The following ASAH1 variants were observed in gnomAD, a reference collection of about 807,000 sequenced individuals.
ASAH1 encodes N-acylsphingosine amidohydrolase 1.
A neutral mutation model predicts 59.5 loss-of-function variants in ASAH1; 70 were observed. The observed-to-expected ratio is 1.18, with a 90% confidence interval of 0.97 to 1.43. The LOEUF (loss-of-function observed/expected upper bound fraction) is 1.43, where lower values mean the gene tolerates loss of function less well. ASAH1 is among the 40% of genes most tolerant of loss of function. ASAH1 has a pLI of 0.00. For missense variants in ASAH1, 660 were observed against 482.5 expected (o/e 1.37, Z -3.45); for synonymous variants, 213 against 166.5 (o/e 1.28, Z -2.15).
chr8:18,081,879 C>G (rs975633727), intron 1 of ASAH1, among the ~76,000 whole-genome samples: 8 of 152,108 alleles, frequency 5.3e-5, no homozygotes, highest in Non-Finnish European at 1.2e-4. Flanking sequence ...TCCTTCAGTG[C>G]ATGGATCCCA....
chr8:18,083,677 C>T (rs956876184), intron 1 of ASAH1, among the ~76,000 whole-genome samples: 16 of 152,354 alleles, frequency 1.1e-4, no homozygotes, highest in African/African-American at 3.8e-4. Flanking sequence ...AATGCAAGGG[C>T]CTGGAACTGG....
intron 2 of ASAH1, among the ~76,000 whole-genome samples, chr8:18,074,655 C>A (rs559462058): frequency 3.9e-5 from 6 of 152,230 alleles, no homozygotes; most frequent in East Asian, 1.9e-4. Context: ...GGTCTGTGAG[C>A]TGTTATTATG....
intron 13 of ASAH1, 59 bp from the exon 14 acceptor site, chr8:18,057,682 ATATT>A: frequency 3.3e-6 from 4 of 1,196,740 alleles, no homozygotes; most frequent in Non-Finnish European, 4.7e-6. Context: ...GTTCTGATAT[ATATT>A]AGCATTTCTA....
intron 10 of ASAH1, chr8:18,059,964 T>C (rs1799624759): frequency 2.6e-6 from 1 of 391,760 alleles, no homozygotes; most frequent in African/African-American, 2.1e-5. Flanking sequence ...TGGTGCGTGA[T>C]GTTCCCCTCC....
At chr8:18,063,059 G>A (rs977189236) in intron 7 of ASAH1, 126 bp downstream of exon 7, 16 of 815,236 alleles carry the variant, frequency 2.0e-5, no homozygotes, top group African/African-American at 1.5e-4. Context: ...TAGTAGAGAC[G>A]GGGTTTCACC....
chr8:18,077,577 A>T (rs940288537), intron 1 of ASAH1, among the ~76,000 whole-genome samples: 9 of 152,242 alleles, frequency 5.9e-5, no homozygotes, highest in Non-Finnish European at 1.3e-4. Context: ...ACAGTCAAGA[A>T]AAATCACTCA....
intron 1 of ASAH1, among the ~76,000 whole-genome samples, chr8:18,079,250 G>C (rs1313110011): frequency 2.9e-5 from 4 of 138,450 alleles, no homozygotes; most frequent in African/African-American, 1.1e-4. Flanking sequence ...TCCAGCCTGG[G>C]AGACAGAGCA....
intron 1 of ASAH1, 66 bp downstream of exon 1, chr8:18,083,915 A>C: frequency 6.4e-7 from 1 of 1,552,412 alleles, no homozygotes; most frequent in Non-Finnish European, 8.6e-7. Flanking sequence ...GCGCCGCCAC[A>C]CCTGCGCCTC....
At chr8:18,076,888 C>T (rs998021238) in intron 1 of ASAH1, among the ~76,000 whole-genome samples, 13 of 152,216 alleles carry the variant, frequency 8.5e-5, no homozygotes, top group African/African-American at 3.1e-4. Flanking sequence ...CATTAGCTGT[C>T]AAATTTGCCT....
At chr8:18,081,970 G>C (rs1180734923) in intron 1 of ASAH1, among the ~76,000 whole-genome samples, 1 of 152,212 alleles carries the variant, frequency 6.6e-6, no homozygotes, top group Non-Finnish European at 1.5e-5. Context: ...AAATGGAGAT[G>C]TTAAAACAAA....
Position 18,084,040 on chromosome 8 carries a change from C to G in ASAH1, c.19G>C (p.Val7Leu). Residue 7 changes from valine to leucine, a missense_variant, in exon 1 of 14, where the codon GTC (valine) becomes CTC (leucine). Transcript: ENST00000637790. Reference protein sequence around the residue: MPGRSCVALVLLAAAVS... With the variant: MPGRSCLALVLLAAAVS... ...GCGGCAGCCAGGAGGACTAAGGCGACGCAACTCCGGCCCGGCATCGCTCTA... is the reference window on the plus strand; with the variant it reads ...GCGGCAGCCAGGAGGACTAAGGCGAGGCAACTCCGGCCCGGCATCGCTCTA... 6.3e-7 allele frequency: 1 copy of G among 1,598,746 alleles called. No homozygotes were observed. Among genetic ancestry groups the G allele is most frequent in the Non-Finnish European group, 8.5e-7 (1 of 1,179,658 alleles).
intron 5 of ASAH1, 94 bp downstream of exon 5, chr8:18,067,126 T>TACAGCACCTGTGCTGTATATCTAAGACAG: frequency 1.8e-6 from 1 of 559,708 alleles, no homozygotes; most frequent in Non-Finnish European, 2.4e-6. Context: ...ATCTAAGACA[T>TACAGCACCTGTGCTGTATATCTAAGACAG]ACAGCACCTG....
chr8:18,061,944 G>A, intron 8 of ASAH1: 2 of 645,158 alleles, frequency 3.1e-6, no homozygotes, highest in South Asian at 3.7e-5. Context: ...GGGTATCACT[G>A]GCAACGCTTT....
chr8:18,084,879 C>G (rs1466079206), upstream of ASAH1: 1 of 1,575,844 alleles, frequency 6.3e-7, no homozygotes, highest in Non-Finnish European at 8.6e-7. Context: ...GAGGCGGACG[C>G]GAGTAGCTCG....
chr8:18,070,155 A>AC lies in ASAH1; in HGVS notation c.217-278_217-277insG, dbSNP rs1554810435. ...ATCACCATTCCCAGCTAATTTTTGT[A>AC]TTTTTTTTTTTAAGACGGAGTTTTG... On this transcript the variant is annotated intron_variant, in intron 3 of 13. Transcript: ENST00000637790. Among the ~76,000 whole-genome samples, 674 of 147,472 alleles carry AC rather than the reference A, an allele frequency of 4.6e-3. 2 individuals carry two copies. Among genetic ancestry groups the AC allele is most frequent in the African/African-American group, 0.016 (655 of 40,000 alleles).
intron 7 of ASAH1, chr8:18,062,638 T>G (rs1799753955): frequency 1.7e-6 from 1 of 571,622 alleles, no homozygotes; most frequent in Admixed American, 3.0e-5. Context: ...ATCACACAGC[T>G]TATAAATAGT....
intron 4 of ASAH1, among the ~76,000 whole-genome samples, chr8:18,068,916 A>C (rs1421721074): frequency 6.6e-6 from 1 of 152,156 alleles, no homozygotes; most frequent in Non-Finnish European, 1.5e-5. Context: ...AGGCGGGAAG[A>C]TCGCCTGAGC....
At chr8:18,081,093 A>G (rs1800632467) in intron 1 of ASAH1, among the ~76,000 whole-genome samples, 1 of 151,530 alleles carries the variant, frequency 6.6e-6, no homozygotes, top group South Asian at 2.1e-4. Context: ...TTTAACATAC[A>G]CCCCAAATGA....
At chr8:18,070,520 G>A (rs535423280) in intron 3 of ASAH1, among the ~76,000 whole-genome samples, 2 of 152,188 alleles carry the variant, frequency 1.3e-5, no homozygotes, top group South Asian at 2.1e-4. Flanking sequence ...CTGATCTCAG[G>A]TGATCCGCCT....
Sources: gnomAD v4.1 joint callset for allele counts (sites outside exome capture counted in the v4.1 genomes callset) on GRCh38, gnomAD v4.1.1 for gene constraint, MANE v1.5 for transcripts, NCBI Gene and HGNC (gene_info 2026-07-23, HGNC 2026-07-21) for gene names.